ESR1: variants seen among roughly 807,000 people sequenced by gnomAD.
The protein encoded by ESR1 is estrogen receptor 1.
Under a neutral mutation model 52.7 loss-of-function variants are expected in ESR1, and 12 were observed. That is an observed-to-expected ratio of 0.23 (90% CI 0.15 to 0.37). ESR1 has a LOEUF of 0.37. Ranked by LOEUF, ESR1 falls within the 10% of genes least tolerant of loss-of-function variation. ESR1 has a pLI of 1.00. For missense variants in ESR1, 584 were observed against 779.7 expected, an observed-to-expected ratio of 0.75 and a Z score of 2.99; for synonymous variants, 305 against 316.8, an observed-to-expected ratio of 0.96 and a Z score of 0.39.
intron 2 of ESR1, among the ~76,000 whole-genome samples, chr6:151,845,999 T>A (rs1395501979): frequency 6.6e-6 from 1 of 152,090 alleles, no homozygotes; most frequent in South Asian, 2.1e-4. Flanking sequence ...GATGATGGTG[T>A]CAAGATAGAG....
intron 2 of ESR1, among the ~76,000 whole-genome samples, chr6:151,798,572 A>G (rs1416590626): frequency 6.6e-6 from 1 of 152,196 alleles, no homozygotes; most frequent in African/African-American, 2.4e-5. Flanking sequence ...GTTATTTCCA[A>G]TAATCTTTCC....
intron 2 of ESR1, among the ~76,000 whole-genome samples, chr6:151,771,131 T>G (rs182168537): frequency 6.6e-6 from 1 of 152,348 alleles, no homozygotes; most frequent in African/African-American, 2.4e-5. Flanking sequence ...TCCAGCAGCA[T>G]TCTGTAGACA....
intron 1 of ESR1, among the ~76,000 whole-genome samples, chr6:151,832,948 A>C (rs1782685374): frequency 6.6e-6 from 1 of 152,176 alleles, no homozygotes; most frequent in Non-Finnish European, 1.5e-5. Context: ...CTGGAGATGC[A>C]CAGTGGACAC....
chr6:151,957,829 GTT>G (rs1243781905), intron 4 of ESR1, among the ~76,000 whole-genome samples: 5 of 152,280 alleles, frequency 3.3e-5, no homozygotes, highest in African/African-American at 1.2e-4. Context: ...CCAAGACAAA[GTT>G]TATTTTTTTC....
At chr6:151,866,966 T>C (rs1267201383) in intron 2 of ESR1, among the ~76,000 whole-genome samples, 2 of 152,112 alleles carry the variant, frequency 1.3e-5, no homozygotes, top group South Asian at 2.1e-4. Flanking sequence ...ATGCTACACA[T>C]GTACAACCCT....
chr6:152,116,785 C>G (rs898710460), intron 6 of ESR1, among the ~76,000 whole-genome samples: 1 of 151,436 alleles, frequency 6.6e-6, no homozygotes, highest in African/African-American at 2.4e-5. Context: ...ATATATACAT[C>G]ATTATAATAA....
intron 3 of ESR1, among the ~76,000 whole-genome samples, chr6:151,941,403 C>T (rs1358150199): frequency 2.6e-5 from 4 of 152,194 alleles, no homozygotes; most frequent in Non-Finnish European, 5.9e-5. Flanking sequence ...CCCCAGTCCT[C>T]ACACGAAGTA....
rs544710906 is a variant in ESR1, at chr6:151,730,314, C to T, written c.-71+28309C>T. The stretch of plus-strand genomic sequence containing the variant: ...CATCCCCTGTCTCGAGCTCTGCTTG[C>T]CCTTTACTCTTGAGGGGAACTCCCT... On this transcript the variant is annotated intron_variant, in intron 2 of 2. Coordinates refer to the ESR1 transcript ENST00000404742. 5.1e-4 allele frequency among the ~76,000 whole-genome samples: 77 copies of T among 152,130 alleles called. 1 individual carries two copies. Among genetic ancestry groups the T allele is most frequent in the Non-Finnish European group, 9.6e-4 (65 of 67,984 alleles).
exon 7 of ESR1, chr6:152,125,636 T>A (rs966679027): frequency 1.7e-5 from 5 of 299,922 alleles, no homozygotes; most frequent in African/African-American, 1.1e-4. Context: ...AGATGAGTTA[T>A]AACAGAGTGA....
intron 4 of ESR1, among the ~76,000 whole-genome samples, chr6:151,989,939 G>A (rs1251067137): frequency 6.6e-6 from 1 of 151,916 alleles, no homozygotes; most frequent in African/African-American, 2.4e-5. Flanking sequence ...CCTCCAATTT[G>A]TGTTTCTTTC....
intron 2 of ESR1, among the ~76,000 whole-genome samples, chr6:151,756,759 G>A (rs1453243679): frequency 6.6e-6 from 1 of 152,196 alleles, no homozygotes; most frequent in Non-Finnish European, 1.5e-5. Flanking sequence ...GGAGGCCGAG[G>A]CGGGCAGATC....
chr6:151,751,305 C>T (rs1783882763), intron 2 of ESR1, among the ~76,000 whole-genome samples: 1 of 152,182 alleles, frequency 6.6e-6, no homozygotes, highest in African/African-American at 2.4e-5. Flanking sequence ...CATAATTGTA[C>T]AGCTAGGCAA....
At chr6:152,040,141 A>G (rs906343486) in intron 5 of ESR1, among the ~76,000 whole-genome samples, 1 of 152,194 alleles carries the variant, frequency 6.6e-6, no homozygotes, top group Admixed American at 6.5e-5. Context: ...GAATGGTGCC[A>G]TATCGCGGCC....
At position 151,860,378 on chromosome 6, in the gene ESR1, A is replaced by C. The variant is rs79886487; in HGVS notation, c.643+17591A>C. Among the ~76,000 whole-genome samples, 1,484 of 152,260 alleles carry C rather than the reference A, an allele frequency of 9.7e-3. 31 individuals carry two copies. The highest frequency in any genetic ancestry group is 0.035 in the African/African-American group (1,436 of 41,528). On this transcript the variant is annotated intron_variant, in intron 2 of 7. Transcript: ENST00000206249. Reference sequence around the variant, plus strand: ...AGATTTCTAGACTTGTTCATGCTACATAACTGCAACTTTGTACCCTTTGAC... The same window carrying C: ...AGATTTCTAGACTTGTTCATGCTACCTAACTGCAACTTTGTACCCTTTGAC...
rs994443618 is a variant in ESR1, at chr6:152,069,054, G to A, written c.1369+7930G>A. On this transcript the variant is annotated intron_variant, in intron 6 of 7. Coordinates refer to ENST00000206249, the MANE Select transcript of ESR1 (RefSeq NM_000125.4). Reference sequence around the variant, plus strand: ...TGAGTGACGAGGACATTATTGAACCGCCAGGCTTGATGGCATGTTGCATGG... The same window carrying A: ...TGAGTGACGAGGACATTATTGAACCACCAGGCTTGATGGCATGTTGCATGG... Among the ~76,000 whole-genome samples, 2 of 137,538 alleles carry A rather than the reference G, an allele frequency of 1.5e-5. 1 individual carries two copies. Among genetic ancestry groups the A allele is most frequent in the Non-Finnish European group, 3.0e-5 (2 of 66,756 alleles). The allele number at this position is 137,538 out of a possible 152,430, so 90.2% of individuals were successfully genotyped here.
At chr6:151,723,384 A>G (rs1170526250) in intron 2 of ESR1, among the ~76,000 whole-genome samples, 7 of 152,224 alleles carry the variant, frequency 4.6e-5, no homozygotes, top group African/African-American at 1.7e-4. Flanking sequence ...GGGTGATACA[A>G]GACTTGCTGT....
intron 4 of ESR1, among the ~76,000 whole-genome samples, chr6:151,989,708 G>T (rs1159223377): frequency 6.6e-6 from 1 of 152,008 alleles, no homozygotes; most frequent in East Asian, 1.9e-4. Context: ...GGATCTCATG[G>T]TAAGTAAGTA....
intron 2 of ESR1, among the ~76,000 whole-genome samples, chr6:151,845,311 C>T (rs973622069): frequency 6.6e-6 from 1 of 152,212 alleles, no homozygotes; most frequent in Non-Finnish European, 1.5e-5. Flanking sequence ...TGGCTCAGGC[C>T]TGTAACCCCA....
At chr6:151,800,551 A>T (rs939932405), upstream of ESR1, among the ~76,000 whole-genome samples, 4 of 152,090 alleles carry the variant, frequency 2.6e-5, no homozygotes, top group Non-Finnish European at 5.9e-5. Flanking sequence ...CTCTGATAGG[A>T]CTGTGGCCTT....
Sources: gnomAD v4.1 joint callset for allele counts (sites outside exome capture counted in the v4.1 genomes callset) on GRCh38, gnomAD v4.1.1 for gene constraint, MANE v1.5 for transcripts, NCBI Gene and HGNC (gene_info 2026-07-23, HGNC 2026-07-21) for gene names.